ACAP2: variants seen among roughly 807,000 people sequenced by gnomAD.
The protein encoded by ACAP2 is arf-GAP with coiled-coil, ANK repeat and PH domain-containing protein 2.
A neutral mutation model predicts 115.8 loss-of-function variants in ACAP2; 39 were observed. The observed-to-expected ratio is 0.34, with a 90% CI of 0.26 to 0.44. The LOEUF (loss-of-function observed/expected upper bound fraction) is 0.44, where lower values mean the gene tolerates loss of function less well. ACAP2 is among the 20% of genes least tolerant of loss of function. ACAP2 has a pLI of 1.00. For missense variants in ACAP2, 662 were observed against 927.6 expected, an observed-to-expected ratio of 0.71 and a Z score of 3.72; for synonymous variants, 289 against 315.8, an observed-to-expected ratio of 0.92 and a Z score of 0.90.
At chr3:195,303,138 C>A (rs1453599497) in intron 13 of ACAP2, among the ~76,000 whole-genome samples, 1 of 152,144 alleles carries the variant, frequency 6.6e-6, no homozygotes, top group African/African-American at 2.4e-5. Flanking sequence ...ATAGCTTAAA[C>A]CCAGGAAACG....
At chr3:195,372,533 A>G (rs1485095473) in intron 4 of ACAP2, among the ~76,000 whole-genome samples, 1 of 152,102 alleles carries the variant, frequency 6.6e-6, no homozygotes, top group Non-Finnish European at 1.5e-5. Flanking sequence ...TCTAAAAAAG[A>G]AAAAAAGCCA....
chr3:195,301,155 G>A (rs1393481428), intron 15 of ACAP2, among the ~76,000 whole-genome samples: 2 of 151,122 alleles, frequency 1.3e-5, no homozygotes, highest in East Asian at 1.9e-4. Flanking sequence ...GCGCGATCTC[G>A]GCTCACTGCA....
rs188319179 is a variant in ACAP2, at chr3:195,391,700, T to C, written c.111+390A>G. ...ATAATAGCATTTACCCTCATAGAGA[T>C]AAAAAGCTACCAGGCCAGGTGCGAT... On this transcript the variant is annotated intron_variant, in intron 2 of 22. Transcript: ENST00000326793. 6.6e-5 allele frequency among the ~76,000 whole-genome samples: 10 copies of C among 152,008 alleles called. No individual in the cohort carries two copies. In the East Asian group the frequency reaches 1.9e-3, roughly 30 times the overall value.
intron 4 of ACAP2, among the ~76,000 whole-genome samples, chr3:195,353,896 C>T (rs116736898): frequency 0.02 from 3,071 of 152,114 alleles, 99 homozygotes; most frequent in African/African-American, 0.069. Flanking sequence ...CATAGGTAAA[C>T]GGGTGTCACA....
intron 1 of ACAP2, 91 bp downstream of exon 1, chr3:195,442,704 G>C (rs905358298): frequency 7.4e-7 from 1 of 1,359,932 alleles, no homozygotes; most frequent in African/African-American, 1.5e-5. Flanking sequence ...AGCGGACGGC[G>C]GGGCCTCCTC....
intron 8 of ACAP2, among the ~76,000 whole-genome samples, chr3:195,328,836 T>C (rs1729976565): frequency 6.6e-6 from 1 of 152,206 alleles, no homozygotes; most frequent in Non-Finnish European, 1.5e-5. Context: ...TCCCAGCACT[T>C]TGGGAGGCCG....
At chr3:195,318,931 T>A (rs1729265379) in intron 10 of ACAP2, among the ~76,000 whole-genome samples, 1 of 152,212 alleles carries the variant, frequency 6.6e-6, no homozygotes, top group African/African-American at 2.4e-5. Flanking sequence ...GCCCCTCCCA[T>A]GACAGGCCCA....
Position 195,409,431 on chromosome 3 carries a change from A to G in ACAP2, c.54-17284T>C, listed in dbSNP as rs868667967. 3.4e-4 allele frequency among the ~76,000 whole-genome samples: 51 copies of G among 149,932 alleles called. 1 individual carries two copies. Among genetic ancestry groups the G allele is most frequent in the African/African-American group, 4.6e-4 (19 of 40,934 alleles). ...AGAAACTATAAGGCATTCCTGGGGG[A>G]AAAAAAAAAGTACAAAAGAAATAAA... On this transcript the variant is annotated intron_variant, in intron 1 of 22. Coordinates refer to ENST00000326793, the MANE Select transcript of ACAP2 (RefSeq NM_012287.6).
At chr3:195,305,928 C>T (rs1047556507) in intron 13 of ACAP2, among the ~76,000 whole-genome samples, 8 of 152,004 alleles carry the variant, frequency 5.3e-5, no homozygotes, top group Middle Eastern at 3.2e-3. Context: ...AGTCGATCCC[C>T]CTAACCATAC....
At chr3:195,296,203 T>C (rs1243803531) in intron 16 of ACAP2, among the ~76,000 whole-genome samples, 2 of 151,326 alleles carry the variant, frequency 1.3e-5, no homozygotes, top group African/African-American at 4.9e-5. Flanking sequence ...TTTTGCAGAG[T>C]AGAAAACATC....
chr3:195,385,082 C>T (rs909324498), intron 2 of ACAP2, among the ~76,000 whole-genome samples: 3 of 151,506 alleles, frequency 2.0e-5, no homozygotes, highest in African/African-American at 4.8e-5. Context: ...GGTACCAAAC[C>T]ATATATGGTT....
chr3:195,344,684 C>T (rs2108654520), intron 5 of ACAP2, among the ~76,000 whole-genome samples: 1 of 152,182 alleles, frequency 6.6e-6, no homozygotes, highest in Non-Finnish European at 1.5e-5. Context: ...CCCCGCCCCG[C>T]TAATTTTGTA....
In ACAP2 at chr3:195,341,321, G is replaced by GTTTTTTTTTT. The variant is rs377628235; in HGVS notation, c.528+1140_528+1149dup. On this transcript the variant is annotated intron_variant, in intron 6 of 22. Coordinates refer to ENST00000326793, the MANE Select transcript of ACAP2 (RefSeq NM_012287.6). The stretch of plus-strand genomic sequence containing the variant: ...TTCGTTTGTTTGTTTTATTGTGTGG[G>GTTTTTTTTTT]TTTTTTTTTTTTTTTTTTTTTGAGA... Among the ~76,000 whole-genome samples, 4 of 107,070 alleles carry GTTTTTTTTTT rather than the reference G, an allele frequency of 3.7e-5. 1 individual carries two copies. The highest frequency in any genetic ancestry group is 2.9e-4 in the East Asian group (1 of 3,486). The allele number at this position is 107,070 out of a possible 152,430, so 70.2% of individuals were successfully genotyped here.
chr3:195,415,872 C>T (rs1361751193), intron 1 of ACAP2, among the ~76,000 whole-genome samples: 2 of 151,526 alleles, frequency 1.3e-5, no homozygotes, highest in Non-Finnish European at 1.5e-5. Flanking sequence ...GAAAAAAACG[C>T]TAAAAAGGTG....
intron 6 of ACAP2, among the ~76,000 whole-genome samples, chr3:195,338,271 A>G (rs1170582820): frequency 1.3e-5 from 2 of 152,136 alleles, no homozygotes; most frequent in Non-Finnish European, 2.9e-5. Context: ...CTCAATAAAT[A>G]TTTCTTAAAT....
intron 18 of ACAP2, among the ~76,000 whole-genome samples, chr3:195,292,793 G>A (rs1028608312): frequency 6.6e-6 from 1 of 151,696 alleles, no homozygotes; most frequent in African/African-American, 2.4e-5. Context: ...ATGGTAGCGG[G>A]CACCTGTAAT....
At chr3:195,337,901 C>A (rs562033093) in intron 6 of ACAP2, among the ~76,000 whole-genome samples, 1 of 151,400 alleles carries the variant, frequency 6.6e-6, no homozygotes, top group Non-Finnish European at 1.5e-5. Flanking sequence ...GTACTCCGAC[C>A]TGAGCCCGGG....
intron 8 of ACAP2, among the ~76,000 whole-genome samples, chr3:195,331,207 C>T (rs1730142800): frequency 6.6e-6 from 1 of 152,048 alleles, no homozygotes; most frequent in African/African-American, 2.4e-5. Context: ...TAATCCATGG[C>T]ATACACCCTA....
chr3:195,291,303 A>G (rs1263099714), intron 20 of ACAP2, among the ~76,000 whole-genome samples: 3 of 152,234 alleles, frequency 2.0e-5, no homozygotes, highest in African/African-American at 7.2e-5. Flanking sequence ...CTGTGGAAAA[A>G]ACTAAAAATT....
Sources: gnomAD v4.1 joint callset for allele counts (sites outside exome capture counted in the v4.1 genomes callset) on GRCh38, gnomAD v4.1.1 for gene constraint, MANE v1.5 for transcripts, NCBI Gene and HGNC (gene_info 2026-07-23, HGNC 2026-07-21) for gene names.